The following SKAP1 variants were observed in gnomAD, a reference collection of about 807,000 sequenced individuals.
SKAP1 encodes src kinase associated phosphoprotein 1, also known as src kinase-associated phosphoprotein 1.
Under a neutral mutation model 58.5 loss-of-function variants are expected in SKAP1, and 44 were observed. The observed-to-expected ratio is 0.75, with a 90% CI of 0.59 to 0.97. SKAP1 has a LOEUF of 0.97. Among genes scored for constraint, SKAP1 ranks in the 50% least tolerant of loss-of-function variants. The pLI is 0.00. For missense variants in SKAP1, 390 were observed against 435.2 expected (o/e 0.90, Z 0.92); for synonymous variants, 127 against 149.7 (o/e 0.85, Z 1.11).
the SKAP1 span, among the ~76,000 whole-genome samples, chr17:48,436,912 A>T: frequency 5.4e-3 from 827 of 152,312 alleles, 4 homozygotes; most frequent in Non-Finnish European, 7.3e-3. Flanking sequence ...CTGTAAGCAC[A>T]TAGCTTGCTT....
chr17:48,330,784 C>G (rs192415682), intron 4 of SKAP1, among the ~76,000 whole-genome samples: 156 of 150,330 alleles, frequency 1.0e-3, no homozygotes, highest in Non-Finnish European at 1.4e-3. Context: ...TGAAGAGTGG[C>G]GAATCACAAA....
chr17:48,259,260 C>A (rs1179567364), intron 4 of SKAP1, among the ~76,000 whole-genome samples: 1 of 151,976 alleles, frequency 6.6e-6, no homozygotes, highest in Non-Finnish European at 1.5e-5. Flanking sequence ...AGAGTGGTCA[C>A]TGTTACGATA....
At chr17:48,158,988 G>T (rs906438961) in intron 11 of SKAP1, among the ~76,000 whole-genome samples, 1 of 148,132 alleles carries the variant, frequency 6.8e-6, no homozygotes, top group Non-Finnish European at 1.5e-5. Context: ...AAAAGAAACA[G>T]CAGGGAGCAG....
At chr17:48,177,758 A>G (rs911070396) in intron 9 of SKAP1, among the ~76,000 whole-genome samples, 3 of 152,168 alleles carry the variant, frequency 2.0e-5, no homozygotes, top group Non-Finnish European at 2.9e-5. Context: ...TGAAATATTC[A>G]TATCATAATT....
chr17:48,349,673 C>G (rs1319101061), intron 3 of SKAP1, among the ~76,000 whole-genome samples: 1 of 152,116 alleles, frequency 6.6e-6, no homozygotes, highest in Non-Finnish European at 1.5e-5. Context: ...AGGTTCTCCA[C>G]CCAGTACATG....
chr17:48,382,829 C>T (rs1401748809), intron 2 of SKAP1, among the ~76,000 whole-genome samples: 1 of 152,182 alleles, frequency 6.6e-6, no homozygotes, highest in Non-Finnish European at 1.5e-5. Context: ...GTATCTTCAC[C>T]CTCCAGGTGA....
chr17:48,226,892 G>A (rs1375973565), intron 4 of SKAP1, among the ~76,000 whole-genome samples: 1 of 152,210 alleles, frequency 6.6e-6, no homozygotes, highest in African/African-American at 2.4e-5. Flanking sequence ...CATCTGTGGG[G>A]TTTGAAATGG....
rs142383719 is a variant in SKAP1, at chr17:48,341,357, C to G, written c.280+4548G>C. ...AGTTTTGTTTAAAATAGATTCATATCTAATGCTTTCTCCCCACTATTATAA... is the reference window on the plus strand; with the variant it reads ...AGTTTTGTTTAAAATAGATTCATATGTAATGCTTTCTCCCCACTATTATAA... On this transcript the variant is annotated intron_variant, in intron 4 of 12. Transcript: ENST00000336915. Among the ~76,000 whole-genome samples the G allele has an allele frequency of 4.1e-3, 617 of 152,258 alleles. 10 individuals carry two copies. Among genetic ancestry groups the G allele is most frequent in the African/African-American group, 0.014 (566 of 41,552 alleles).
the SKAP1 span, among the ~76,000 whole-genome samples, chr17:48,442,498 T>C: frequency 6.6e-6 from 1 of 152,184 alleles, no homozygotes; most frequent in African/African-American, 2.4e-5. Flanking sequence ...GACTCTGCTA[T>C]ACTTGGTGTT....
chr17:48,432,743 G>T (rs2067926169), upstream of SKAP1, among the ~76,000 whole-genome samples: 1 of 152,086 alleles, frequency 6.6e-6, no homozygotes. Flanking sequence ...TTCCTTCTTG[G>T]CAACAGAAGA....
upstream of SKAP1, among the ~76,000 whole-genome samples, chr17:48,435,268 C>T (rs967023187): frequency 8.6e-5 from 13 of 151,010 alleles, no homozygotes; most frequent in African/African-American, 3.2e-4. Context: ...CTTTAGACCA[C>T]ATTAGATATC....
intron 4 of SKAP1, among the ~76,000 whole-genome samples, chr17:48,258,682 C>T (rs1415645279): frequency 6.6e-6 from 1 of 152,048 alleles, no homozygotes; most frequent in Non-Finnish European, 1.5e-5. Flanking sequence ...GCTTGTGTAC[C>T]AGCTATGGAA....
chr17:48,350,417 C>T (rs181084386), intron 3 of SKAP1, among the ~76,000 whole-genome samples: 6 of 152,234 alleles, frequency 3.9e-5, no homozygotes, highest in African/African-American at 1.2e-4. Context: ...GGTTTGCAGC[C>T]GGGCGTGGTG....
intron 2 of SKAP1, among the ~76,000 whole-genome samples, chr17:48,383,239 T>G (rs1156690294): frequency 6.6e-6 from 1 of 152,208 alleles, no homozygotes; most frequent in African/African-American, 2.4e-5. Context: ...AATGGTTTAC[T>G]CAAGCACCCT....
intron 2 of SKAP1, among the ~76,000 whole-genome samples, chr17:48,383,957 C>T (rs954317777): frequency 6.6e-6 from 1 of 151,960 alleles, no homozygotes; most frequent in Non-Finnish European, 1.5e-5. Flanking sequence ...AACTCCTGAC[C>T]TCAAGTGCTC....
chr17:48,251,373 A>C (rs1203654394), intron 4 of SKAP1, among the ~76,000 whole-genome samples: 1 of 152,204 alleles, frequency 6.6e-6, no homozygotes, highest in Non-Finnish European at 1.5e-5. Flanking sequence ...TTTTCATTTA[A>C]ATCAAGTTAA....
chr17:48,283,405 G>A (rs1029004421), intron 4 of SKAP1, among the ~76,000 whole-genome samples: 1 of 152,234 alleles, frequency 6.6e-6, no homozygotes, highest in Non-Finnish European at 1.5e-5. Context: ...GAATCAGACT[G>A]CATGGGTTCA....
intron 4 of SKAP1, among the ~76,000 whole-genome samples, chr17:48,214,037 T>A (rs987227169): frequency 6.6e-6 from 1 of 152,206 alleles, no homozygotes; most frequent in African/African-American, 2.4e-5. Flanking sequence ...CCTGACAGTT[T>A]GAAACAAACT....
intron 4 of SKAP1, among the ~76,000 whole-genome samples, chr17:48,335,702 G>A (rs1177432478): frequency 6.6e-6 from 1 of 151,882 alleles, no homozygotes; most frequent in Admixed American, 6.6e-5. Context: ...ATTTGTAATT[G>A]GCAAAGAAAA....
Sources: gnomAD v4.1 joint callset for allele counts (sites outside exome capture counted in the v4.1 genomes callset) on GRCh38, gnomAD v4.1.1 for gene constraint, MANE v1.5 for transcripts, NCBI Gene and HGNC (gene_info 2026-07-23, HGNC 2026-07-21) for gene names.